DGKA: variants seen among roughly 807,000 people sequenced by gnomAD.
DGKA encodes the protein 80 kDa diacylglycerol kinase.
DGKA carries 35 observed loss-of-function variants against 105.0 expected under a neutral mutation model. The ratio of observed to expected loss-of-function variants is 0.33; its 90% CI spans 0.25 to 0.44. DGKA has a LOEUF of 0.44. Among genes scored for constraint, DGKA ranks in the 20% least tolerant of loss-of-function variants. DGKA has a pLI of 1.00. For missense variants in DGKA, 665 were observed against 915.0 expected (o/e 0.73, Z 3.53); for synonymous variants, 296 against 332.0 (o/e 0.89, Z 1.18).
Position 55,940,806 on chromosome 12 carries a change from G to C in DGKA, c.1017+84G>C, listed in dbSNP as rs779488744. On this transcript the variant is annotated intron_variant, in intron 12 of 23. Transcript: ENST00000331886. The surrounding 1 kb of genome is among the most constrained non-coding windows in gnomAD (Gnocchi z 4.3). Reference sequence around the variant, plus strand: ...CACAGAGTGGCATTTAGAATAGAGAGCTCATACTTTTAGGATTCAAGTCAG... The same window carrying C: ...CACAGAGTGGCATTTAGAATAGAGACCTCATACTTTTAGGATTCAAGTCAG... 6 of 1,597,386 alleles carry C rather than the reference G, an allele frequency of 3.8e-6. No homozygotes were observed. Among genetic ancestry groups the C allele is most frequent in the Admixed American group, 1.7e-5 (1 of 59,842 alleles).
chr12:55,940,370 TCAG>T lies in DGKA; in HGVS notation c.856_858del (p.Gln286del). 2.5e-6 allele frequency: 4 copies of T among 1,614,158 alleles called. No individual in the cohort carries two copies. Among genetic ancestry groups the T allele is most frequent in the Non-Finnish European group, 3.4e-6 (4 of 1,180,030 alleles). On this transcript the variant is annotated inframe_deletion, in exon 11 of 24. Coordinates refer to ENST00000331886, the MANE Select transcript of DGKA (RefSeq NM_001345.5). This position sits in a 1 kb window ranked among gnomAD's most constrained non-coding sequence, Gnocchi z 4.3. ...GTGAGTCCGGGCGCTGCGACCGCTG[TCAG>T]AAAAAGATCCGGATCTACCACAGTC...
In DGKA at chr12:55,940,614, C is replaced by T. The variant is rs1885726249; in HGVS notation, c.919-10C>T. The T allele has an allele frequency of 1.0e-5, 16 of 1,570,972 alleles. No individual in the cohort carries two copies. The highest frequency in any genetic ancestry group is 2.2e-5 in the East Asian group (1 of 44,546). On this transcript the variant is annotated splice_polypyrimidine_tract_variant and intron_variant, in intron 11 of 23. Coordinates refer to ENST00000331886, the MANE Select transcript of DGKA (RefSeq NM_001345.5). The surrounding 1 kb of genome is among the most constrained non-coding windows in gnomAD (Gnocchi z 4.3). ...CTTCGTGATCTCTCTGTGCCCACCT[C>T]GTCTTTCAGATCCACGATGACTGCC...
At chr12:55,941,964 T>C in intron 15 of DGKA, 34 bp from the exon 16 acceptor site, 1 of 1,611,234 alleles carries the variant, frequency 6.2e-7, no homozygotes, top group Non-Finnish European at 8.5e-7. Flanking sequence ...AGTCCTGTTA[T>C]CCTTCTTCAT....
chr12:55,942,406 G>A, intron 17 of DGKA, 143 bp downstream of exon 17: 1 of 750,404 alleles, frequency 1.3e-6, no homozygotes, highest in Non-Finnish European at 2.2e-6. Context: ...AAAGTGGAAT[G>A]TCCAAAAAGA....
At position 55,951,985 on chromosome 12, in the gene DGKA, G is replaced by A. The variant is rs775664538; in HGVS notation, c.1588-50G>A. On this transcript the variant is annotated intron_variant, in intron 18 of 23. Transcript: ENST00000331886. ...GGGACTTGGGAAAGAGGGGAGACCG[G>A]GAGGGAGAGATTGAGCTCTGTACTG... 3.7e-6 allele frequency: 6 copies of A among 1,605,480 alleles called. No individual in the cohort carries two copies. The African/African-American group carries it at 8.0e-5, about 21-fold the overall frequency.
In DGKA at chr12:55,938,548, C is replaced by T. The variant is rs1485770287; in HGVS notation, c.387C>T (p.Ile129=). ...TGTACGACACGGACAGAAATGGGATCCTGGACAGCTCAGTGAGTTGGGGAC... is the reference window on the plus strand; with the variant it reads ...TGTACGACACGGACAGAAATGGGATTCTGGACAGCTCAGTGAGTTGGGGAC... ...FKLYDTDRNG[I]LDSSEVDKII... The change falls in exon 6 of 24, where the codon ATC becomes ATT. Residue 129 remains isoleucine (I), a synonymous_variant. Transcript: ENST00000331886. The T allele has an allele frequency of 1.2e-6, 2 of 1,613,970 alleles. No individual in the cohort carries two copies. The highest frequency in any genetic ancestry group is 1.1e-5 in the South Asian group (1 of 91,088).
chr12:55,941,653 T>A, intron 15 of DGKA, 69 bp downstream of exon 15: 3 of 1,503,912 alleles, frequency 2.0e-6, no homozygotes. Flanking sequence ...GTTAGGAGAG[T>A]GCAGGAAAGA....
intron 1 of DGKA, chr12:55,935,861 G>A (rs1347119219): frequency 3.0e-6 from 3 of 985,574 alleles, no homozygotes; most frequent in Non-Finnish European, 3.6e-6. Flanking sequence ...TCGTTGCGTG[G>A]CGTGGGTGGC....
upstream of DGKA, chr12:55,929,118 C>T (rs986769201): frequency 1.3e-5 from 2 of 152,236 alleles, no homozygotes; most frequent in Non-Finnish European, 2.9e-5. Flanking sequence ...TGCACTCCAG[C>T]TTGTATTATA....
chr12:55,937,827 A>C (rs1047749534), intron 4 of DGKA, 151 bp from the exon 5 acceptor site: 14 of 748,844 alleles, frequency 1.9e-5, no homozygotes, highest in Middle Eastern at 2.5e-4. Flanking sequence ...ATGCCACTGC[A>C]CTCCAGCCTC....
upstream of DGKA, among the ~76,000 whole-genome samples, chr12:55,928,676 CAAAAAAAA>C (rs56280303): frequency 1.9e-4 from 9 of 47,268 alleles, no homozygotes; most frequent in East Asian, 3.7e-3. Context: ...GACCCCGTCT[CAAAAAAAA>C]AAAAAAAAAA....
At position 55,941,578 on chromosome 12, in the gene DGKA, A is replaced by G; in HGVS notation, c.1244A>G (p.Glu415Gly). 3 of 1,614,060 alleles carry G rather than the reference A, an allele frequency of 1.9e-6. No individual in the cohort carries two copies. Among genetic ancestry groups the G allele is most frequent in the Non-Finnish European group, 2.5e-6 (3 of 1,179,952 alleles). Residue 415 changes from glutamate (E) to glycine (G), a missense_variant, in exon 15 of 24, where the codon GAG becomes GGG. This residue lies in a region of DGKA where 504 missense variants were observed against 681.2 expected (regional missense o/e 0.74). Coordinates refer to ENST00000331886, the MANE Select transcript of DGKA (RefSeq NM_001345.5). ...TTCAACCTCCTAAAGGATGGTCCTG[A>G]GATAGGGTGAGCACAGGTTAGGGAC... ...QVFNLLKDGP[E>G]IGLRLFKDVP... is the part of the protein sequence containing the mutation.
rs1364274806 is a variant in DGKA at position 55,940,385 on chromosome 12, G to C, written c.870G>C (p.Arg290=). 1 of 1,614,208 alleles carries C rather than the reference G, an allele frequency of 6.2e-7. No individual in the cohort carries two copies. Reference sequence around the variant, plus strand: ...GCGACCGCTGTCAGAAAAAGATCCGGATCTACCACAGTCTGACCGGGCTGC... The same window carrying C: ...GCGACCGCTGTCAGAAAAAGATCCGCATCTACCACAGTCTGACCGGGCTGC... ...GRCDRCQKKI[R]IYHSLTGLHC... The change falls in exon 11 of 24, where the codon CGG becomes CGC. Residue 290 remains arginine, a synonymous_variant. Coordinates refer to ENST00000331886, the MANE Select transcript of DGKA (RefSeq NM_001345.5). The surrounding 1 kb of genome is among the most constrained non-coding windows in gnomAD (Gnocchi z 4.3).
Position 55,939,507 on chromosome 12 carries a change from CA to C in DGKA, c.690del (p.Lys230AsnfsTer4). 2 of 1,614,144 alleles carry C rather than the reference CA, an allele frequency of 1.2e-6. No homozygotes were observed. The highest frequency in any genetic ancestry group is 1.7e-6 in the Non-Finnish European group (2 of 1,180,044). On this transcript the variant is annotated frameshift_variant, in exon 9 of 24. Coordinates refer to ENST00000331886, the MANE Select transcript of DGKA (RefSeq NM_001345.5). LOFTEE classifies it high-confidence loss of function. ...TGTGCGAGTCAAGCATTGGTCTTGG[CA>C]AACAGGGACTGAGCTGTAACCGTGA... ...NLCESSIGLG[K>X]QGLSCNLCKY...
At chr12:55,946,634 G>T (rs1887066132) in intron 17 of DGKA, among the ~76,000 whole-genome samples, 1 of 152,230 alleles carries the variant, frequency 6.6e-6, no homozygotes, top group African/African-American at 2.4e-5. Context: ...TGGGATTACA[G>T]GCGTGAGCCA....
intron 18 of DGKA, 84 bp downstream of exon 18, chr12:55,951,867 G>A (rs1022024916): frequency 6.4e-7 from 1 of 1,553,788 alleles, no homozygotes; most frequent in Non-Finnish European, 8.8e-7. Context: ...AGGAGGGGGA[G>A]GTTAAGTGAC....
In DGKA at chr12:55,953,943, A is replaced by G; in HGVS notation, c.*175A>G. ...CTCACTGTTCCCCATGCGCACACAC[A>G]TACACACACCCCAAAACACATACAT... is the stretch of plus-strand genomic sequence containing the variant. On this transcript the variant is annotated 3_prime_UTR_variant, in exon 24 of 24. Coordinates refer to ENST00000331886, the MANE Select transcript of DGKA (RefSeq NM_001345.5). 1.5e-6 allele frequency: 1 copy of G among 650,982 alleles called. No individual in the cohort carries two copies. Among genetic ancestry groups the G allele is most frequent in the Non-Finnish European group, 2.6e-6 (1 of 377,824 alleles). 40.3% of individuals were successfully genotyped at this position (650,982 alleles called of 1,614,324 possible). A position where few individuals can be genotyped will look rare whatever the true frequency, so the allele number is the denominator to read the frequency against.
Position 55,936,104 on chromosome 12 carries a change from A to G in DGKA, c.-81-319A>G, listed in dbSNP as rs576850260. On this transcript the variant is annotated intron_variant, in intron 1 of 23. Transcript: ENST00000331886. The stretch of plus-strand genomic sequence containing the variant: ...AAGGGACACACCCACAGAAACATAT[A>G]TAGACTGAGAAAGCCGGGTGCGGGT... The G allele has an allele frequency of 6.7e-6, 6 of 895,668 alleles. No individual in the cohort carries two copies. In the African/African-American group the frequency reaches 1.1e-4, roughly 16 times the overall value. 55.5% of individuals were successfully genotyped at this position (895,668 alleles called of 1,614,324 possible).
chr12:55,952,070 A>G lies in DGKA; in HGVS notation c.1623A>G (p.Arg541=), dbSNP rs751957317. The part of the protein sequence containing the change: ...ASIAHRFHIM[R]EKYPEKFNSR... Reference sequence around the variant, plus strand: ...TTGCTCATCGATTCCACATCATGCGAGAGAAATATCCGGAGAAGTTCAACA... The same window carrying G: ...TTGCTCATCGATTCCACATCATGCGGGAGAAATATCCGGAGAAGTTCAACA... The change falls in exon 19 of 24, where the codon CGA becomes CGG. Residue 541 remains arginine (R), a synonymous_variant. Coordinates refer to ENST00000331886, the MANE Select transcript of DGKA (RefSeq NM_001345.5). This position sits in a 1 kb window ranked among gnomAD's most constrained non-coding sequence, Gnocchi z 5.1. 1 of 1,614,048 alleles carries G rather than the reference A, an allele frequency of 6.2e-7. No individual in the cohort carries two copies. The highest frequency in any genetic ancestry group is 8.5e-7 in the Non-Finnish European group (1 of 1,180,024).
Sources: allele counts gnomAD v4.1 joint callset (sites outside exome capture counted in the v4.1 genomes callset), GRCh38; gene constraint gnomAD v4.1.1; regional missense constraint gnomAD v4.1.1; non-coding constraint Gnocchi (gnomAD v3.1); transcripts MANE v1.5; gene names NCBI Gene and HGNC (gene_info 2026-07-23, HGNC 2026-07-21).